CCDC25: variants seen among roughly 807,000 people sequenced by gnomAD.
The protein encoded by CCDC25 is coiled-coil domain containing 25, also known as coiled-coil domain-containing protein 25.
A neutral mutation model predicts 35.3 loss-of-function variants in CCDC25; 16 were observed. The observed-to-expected ratio is 0.45, with a 90% CI of 0.31 to 0.69. The LOEUF is 0.69. Ranked by LOEUF, CCDC25 falls within the 30% of genes least tolerant of loss-of-function variation. The pLI, the probability that CCDC25 is intolerant of heterozygous loss-of-function variation, is 0.06. For synonymous variants in CCDC25, 79 were observed against 80.3 expected, an observed-to-expected ratio of 0.98 and a Z score of 0.09; for missense variants, 179 against 250.7, an observed-to-expected ratio of 0.71 and a Z score of 1.93.
chr8:27,762,396 G>A, intron 3 of CCDC25, 23 bp downstream of exon 3: 2 of 1,608,936 alleles, frequency 1.2e-6, no homozygotes, highest in African/African-American at 1.3e-5. Context: ...TCTACAGAGG[G>A]CAGAACCAAA....
intron 1 of CCDC25, among the ~76,000 whole-genome samples, chr8:27,768,158 G>A (rs10092493): frequency 0.44 from 66,560 of 151,894 alleles, 14,834 homozygotes; most frequent in East Asian, 0.62. Context: ...ACTACACTTC[G>A]GCCTGGGTGA....
In CCDC25 at chr8:27,734,025, G is replaced by A. The variant is rs1160130257; in HGVS notation, c.*2191C>T. ...TCGCTGAAATCTGTGCTTCAAGAACGAGTTAAAGACAATACAATAAAACAC... is the reference window on the plus strand; with the variant it reads ...TCGCTGAAATCTGTGCTTCAAGAACAAGTTAAAGACAATACAATAAAACAC... On this transcript the variant is annotated 3_prime_UTR_variant, in exon 9 of 9. Coordinates refer to ENST00000356537, the MANE Select transcript of CCDC25 (RefSeq NM_018246.3). 2 of 152,182 alleles carry A rather than the reference G, an allele frequency of 1.3e-5. No individual in the cohort carries two copies. Among genetic ancestry groups the A allele is most frequent in the Admixed American group, 6.5e-5 (1 of 15,276 alleles). The allele number at this position is 152,182 out of a possible 1,614,324, so 9.4% of individuals were successfully genotyped here. A position where few individuals can be genotyped will look rare whatever the true frequency, so the allele number is the denominator to read the frequency against.
At chr8:27,772,476 G>A in intron 1 of CCDC25, 37 bp downstream of exon 1, 2 of 1,547,970 alleles carry the variant, frequency 1.3e-6, no homozygotes, top group Non-Finnish European at 8.7e-7. Context: ...GGAGCCCGCT[G>A]TCCAGCAGGG....
chr8:27,762,574 A>C (rs1038017763), intron 2 of CCDC25, 116 bp from the exon 3 acceptor site: 14 of 815,834 alleles, frequency 1.7e-5, no homozygotes, highest in Non-Finnish European at 2.8e-5. Context: ...TCCCTCAATG[A>C]AGAAGAGTAA....
intron 8 of CCDC25, 141 bp from the exon 9 acceptor site, chr8:27,736,386 C>A: frequency 1.5e-6 from 1 of 661,246 alleles, no homozygotes; most frequent in South Asian, 2.0e-5. Flanking sequence ...TGACTCATCA[C>A]TTCTCCGCCT....
chr8:27,737,876 ACACACACT>A lies in CCDC25; in HGVS notation c.598-1639_598-1632del, dbSNP rs1253526258. Reference sequence around the variant, plus strand: ...GATAAAGAAACTGTGGTGTGTGTATACACACACTCACACACACACACACACACACACAC... The same window carrying A: ...GATAAAGAAACTGTGGTGTGTGTATACACACACACACACACACACACACAC... On this transcript the variant is annotated intron_variant, in intron 8 of 8. Coordinates refer to ENST00000356537, the MANE Select transcript of CCDC25 (RefSeq NM_018246.3). The surrounding 1 kb of genome is among the most constrained non-coding windows in gnomAD (Gnocchi z 4.6). Among the ~76,000 whole-genome samples, 21 of 37,162 alleles carry A rather than the reference ACACACACT, an allele frequency of 5.7e-4. No individual in the cohort carries two copies. The highest frequency in any genetic ancestry group is 3.3e-3 in the South Asian group (3 of 908). 24.4% of individuals were successfully genotyped at this position (37,162 alleles called of 152,430 possible). A position where few individuals can be genotyped will look rare whatever the true frequency, so the allele number is the denominator to read the frequency against.
At chr8:27,736,324 C>A (rs1010101351) in intron 8 of CCDC25, 79 bp from the exon 9 acceptor site, 1 of 1,168,236 alleles carries the variant, frequency 8.6e-7, no homozygotes. Flanking sequence ...TCTTAATTAG[C>A]GAGCTGCCTT....
At chr8:27,736,322 A>T in intron 8 of CCDC25, 77 bp from the exon 9 acceptor site, 1 of 1,200,166 alleles carries the variant, frequency 8.3e-7, no homozygotes, top group Non-Finnish European at 1.2e-6. Flanking sequence ...TATCTTAATT[A>T]GCGAGCTGCC....
At chr8:27,757,324 TG>T (rs1804045385) in intron 3 of CCDC25, among the ~76,000 whole-genome samples, 2 of 152,164 alleles carry the variant, frequency 1.3e-5, no homozygotes, top group South Asian at 4.1e-4. Flanking sequence ...AATAGAGAGC[TG>T]GAAGAGTTAG....
chr8:27,746,191 G>T lies in CCDC25; in HGVS notation c.551+1886C>A, dbSNP rs560048264. ...AAATTACTTTAAAATGGAATAAATTGAACAAAGGGAAGAAGAGTATAGTAA... is the reference window on the plus strand; with the variant it reads ...AAATTACTTTAAAATGGAATAAATTTAACAAAGGGAAGAAGAGTATAGTAA... On this transcript the variant is annotated intron_variant, in intron 7 of 8. Coordinates refer to ENST00000356537, the MANE Select transcript of CCDC25 (RefSeq NM_018246.3). 6.6e-5 allele frequency among the ~76,000 whole-genome samples: 10 copies of T among 152,270 alleles called. No homozygotes were observed. In the South Asian group the frequency reaches 1.7e-3, roughly 25 times the overall value.
At chr8:27,749,433 T>A (rs1803719266) in intron 5 of CCDC25, among the ~76,000 whole-genome samples, 1 of 152,194 alleles carries the variant, frequency 6.6e-6, no homozygotes. Context: ...CAAAATGACA[T>A]CATGTGCTGC....
chr8:27,761,129 C>CA (rs1171697280), intron 3 of CCDC25, among the ~76,000 whole-genome samples: 2,869 of 138,902 alleles, frequency 0.021, 101 homozygotes, highest in African/African-American at 0.07. Flanking sequence ...AACTCCGTCT[C>CA]AAAAAAAAAA....
chr8:27,752,632 A>G, intron 4 of CCDC25, 45 bp from the exon 5 acceptor site: 1 of 1,447,014 alleles, frequency 6.9e-7, no homozygotes, highest in Non-Finnish European at 9.7e-7. Flanking sequence ...CTCATTATCC[A>G]TTGACACTGG....
Position 27,765,216 on chromosome 8 carries a change from CT to C in CCDC25, c.63del (p.Asp22IlefsTer8). On this transcript the variant is annotated frameshift_variant, in exon 2 of 9. Transcript: ENST00000356537. LOFTEE classifies it high-confidence loss of function. ...TTTGAAAACTTACTTTCATATTTATCTTTTCCCATGTAAATAGTGTAGGCAG... is the reference window on the plus strand; with the variant it reads ...TTTGAAAACTTACTTTCATATTTATCTTTCCCATGTAAATAGTGTAGGCAG... ...NSSAYTIYMG[K>X]DKYENEDLIK... The C allele has an allele frequency of 2.0e-6, 3 of 1,511,360 alleles. No individual in the cohort carries two copies. The highest frequency in any genetic ancestry group is 1.4e-5 in the African/African-American group (1 of 72,152). The allele number at this position is 1,511,360 out of a possible 1,614,324, so 93.6% of individuals were successfully genotyped here.
chr8:27,734,485 T>C lies in CCDC25; in HGVS notation c.*1731A>G, dbSNP rs73231085. ...CAGTTTGACCTGTGGGCAATCAACCTATAAGTCCTCAAAAGAAAATTTCCT... is the reference window on the plus strand; with the variant it reads ...CAGTTTGACCTGTGGGCAATCAACCCATAAGTCCTCAAAAGAAAATTTCCT... On this transcript the variant is annotated 3_prime_UTR_variant, in exon 9 of 9. Coordinates refer to ENST00000356537, the MANE Select transcript of CCDC25 (RefSeq NM_018246.3). 6,415 of 152,232 alleles carry C rather than the reference T, an allele frequency of 0.042. 178 individuals are homozygous for C. The highest frequency in any genetic ancestry group is 0.063 in the Non-Finnish European group (4,262 of 68,022). The allele number at this position is 152,232 out of a possible 1,614,324, so 9.4% of individuals were successfully genotyped here.
intron 7 of CCDC25, among the ~76,000 whole-genome samples, chr8:27,746,527 G>A (rs1207026670): frequency 6.6e-6 from 1 of 151,950 alleles, no homozygotes; most frequent in African/African-American, 2.4e-5. Flanking sequence ...ATCCGTAAAG[G>A]GCACTAAAAG....
chr8:27,743,033 CA>C (rs1803493159), intron 7 of CCDC25, among the ~76,000 whole-genome samples: 1 of 152,164 alleles, frequency 6.6e-6, no homozygotes, highest in African/African-American at 2.4e-5. Context: ...TTCCCCCTAC[CA>C]AACCAGTTTA....
chr8:27,754,926 G>GT (rs1485219077), intron 4 of CCDC25, among the ~76,000 whole-genome samples: 1 of 152,170 alleles, frequency 6.6e-6, no homozygotes, highest in Non-Finnish European at 1.5e-5. Context: ...ATATACATGG[G>GT]TTAGTACACA....
intron 1 of CCDC25, among the ~76,000 whole-genome samples, chr8:27,767,050 G>A (rs921053136): frequency 1.3e-5 from 2 of 152,160 alleles, no homozygotes; most frequent in African/African-American, 4.8e-5. Context: ...GATGGCTTTT[G>A]TAATTAGAAC....
Sources: allele counts gnomAD v4.1 joint callset (sites outside exome capture counted in the v4.1 genomes callset), GRCh38; gene constraint gnomAD v4.1.1; non-coding constraint Gnocchi (gnomAD v3.1); transcripts MANE v1.5; gene names NCBI Gene and HGNC (gene_info 2026-07-23, HGNC 2026-07-21).